The following SENP5 variants were observed in gnomAD, a reference collection of about 807,000 sequenced individuals.
SENP5 encodes sentrin-specific protease 5.
Under a neutral mutation model 74.2 loss-of-function variants are expected in SENP5, and 21 were observed. The observed-to-expected ratio is 0.28, with a 90% CI of 0.20 to 0.41. The LOEUF is 0.41. SENP5 is among the 10% of genes least tolerant of loss of function. SENP5 has a pLI of 1.00. For synonymous variants in SENP5, 311 were observed against 312.7 expected (o/e 0.99, Z 0.06); for missense variants, 717 against 889.1 (o/e 0.81, Z 2.46).
chr3:196,910,123 C>T (rs1444259110), intron 6 of SENP5, among the ~76,000 whole-genome samples: 1 of 151,918 alleles, frequency 6.6e-6, no homozygotes, highest in African/African-American at 2.4e-5. Flanking sequence ...AGCAGAGAGC[C>T]AAATCATGAA....
intron 7 of SENP5, among the ~76,000 whole-genome samples, chr3:196,925,094 T>C (rs1408710018): frequency 6.6e-6 from 1 of 151,928 alleles, no homozygotes; most frequent in Non-Finnish European, 1.5e-5. Flanking sequence ...ATTTTTTATA[T>C]CAATGATTAT....
intron 7 of SENP5, among the ~76,000 whole-genome samples, chr3:196,923,922 T>C (rs1033461450): frequency 6.6e-6 from 1 of 152,204 alleles, no homozygotes; most frequent in African/African-American, 2.4e-5. Context: ...AATATTAGTG[T>C]TCAGCTAATA....
chr3:196,897,927 T>C (rs1714512628), intron 2 of SENP5, among the ~76,000 whole-genome samples: 1 of 151,986 alleles, frequency 6.6e-6, no homozygotes, highest in Admixed American at 6.6e-5. Context: ...ATCTCAGTAC[T>C]TTGGGAAGAC....
intron 2 of SENP5, 149 bp from the exon 3 acceptor site, chr3:196,899,517 C>CTTT (rs1714606867): frequency 2.3e-6 from 1 of 437,540 alleles, no homozygotes; most frequent in Non-Finnish European, 4.1e-6. Context: ...AAAGACATAA[C>CTTT]TTTAAAAATA....
At chr3:196,880,333 C>T (rs190221583) in intron 1 of SENP5, among the ~76,000 whole-genome samples, 1 of 152,264 alleles carries the variant, frequency 6.6e-6, no homozygotes, top group Non-Finnish European at 1.5e-5. Context: ...CTTCTGTCTC[C>T]GCCTCCCACG....
chr3:196,882,801 G>C (rs1713783994), intron 1 of SENP5, among the ~76,000 whole-genome samples: 1 of 152,216 alleles, frequency 6.6e-6, no homozygotes, highest in Non-Finnish European at 1.5e-5. Context: ...ACCATGCCCA[G>C]CCCGTCTAGT....
chr3:196,914,950 G>C (rs1646197789), intron 6 of SENP5, among the ~76,000 whole-genome samples: 1 of 152,084 alleles, frequency 6.6e-6, no homozygotes, highest in Non-Finnish European at 1.5e-5. Context: ...AAATGATTGT[G>C]GGACTTTGCA....
At chr3:196,895,190 CTTTTTTT>C (rs35820067) in intron 2 of SENP5, among the ~76,000 whole-genome samples, 5 of 123,098 alleles carry the variant, frequency 4.1e-5, no homozygotes, top group African/African-American at 1.5e-4. Context: ...CTTTTAACTT[CTTTTTTT>C]TTTTTTTTTT....
At chr3:196,907,380 C>G (rs567678263) in intron 6 of SENP5, among the ~76,000 whole-genome samples, 1 of 149,666 alleles carries the variant, frequency 6.7e-6, no homozygotes, top group African/African-American at 2.5e-5. Flanking sequence ...AGACTGAACC[C>G]AGGAGGCGGA....
rs1348001578 is a variant in SENP5, at chr3:196,895,188, TTC to T, written c.1514-4476_1514-4475del. ...GTTTAACATGATGGCTACTTTTAACTTCTTTTTTTTTTTTTTTTTTTGAGACG... is the reference window on the plus strand; with the variant it reads ...GTTTAACATGATGGCTACTTTTAACTTTTTTTTTTTTTTTTTTTTGAGACG... On this transcript the variant is annotated intron_variant, in intron 2 of 9. Coordinates refer to ENST00000323460, the MANE Select transcript of SENP5 (RefSeq NM_152699.5). 3.9e-5 allele frequency among the ~76,000 whole-genome samples: 5 copies of T among 129,190 alleles called. No homozygotes were observed. The East Asian group carries it at 8.0e-4, about 21-fold the overall frequency. 84.8% of individuals were successfully genotyped at this position (129,190 alleles called of 152,430 possible). A position where few individuals can be genotyped will look rare whatever the true frequency, so the allele number is the denominator to read the frequency against.
At chr3:196,894,233 C>T (rs1365184189) in intron 2 of SENP5, among the ~76,000 whole-genome samples, 1 of 145,316 alleles carries the variant, frequency 6.9e-6, no homozygotes, top group Non-Finnish European at 1.5e-5. Flanking sequence ...AAGCAATTTT[C>T]CTGCCTCAGC....
At chr3:196,907,040 A>G (rs1162200485) in intron 6 of SENP5, among the ~76,000 whole-genome samples, 4 of 152,220 alleles carry the variant, frequency 2.6e-5, no homozygotes, top group African/African-American at 9.6e-5. Context: ...GATGACTTCC[A>G]AGTATGTGAC....
intron 5 of SENP5, among the ~76,000 whole-genome samples, chr3:196,902,406 A>G (rs932945898): frequency 6.6e-6 from 1 of 152,252 alleles, no homozygotes; most frequent in Non-Finnish European, 1.5e-5. Flanking sequence ...TGCTGGGATT[A>G]GAAGTGTGAG....
chr3:196,912,093 G>A (rs146473776), intron 6 of SENP5, among the ~76,000 whole-genome samples: 2,335 of 152,196 alleles, frequency 0.015, 18 homozygotes, highest in Non-Finnish European at 0.025. Flanking sequence ...ATACCCAAAG[G>A]AATATAAATC....
chr3:196,896,964 A>G (rs1018910481), intron 2 of SENP5, among the ~76,000 whole-genome samples: 26 of 152,220 alleles, frequency 1.7e-4, no homozygotes, highest in Non-Finnish European at 3.1e-4. Context: ...TAAGAAATCC[A>G]TGTTTATCAT....
chr3:196,890,859 A>G (rs1714171787), intron 2 of SENP5, among the ~76,000 whole-genome samples: 1 of 152,230 alleles, frequency 6.6e-6, no homozygotes, highest in Non-Finnish European at 1.5e-5. Flanking sequence ...TAGTGTAGTA[A>G]AATTATAGCA....
intron 2 of SENP5, among the ~76,000 whole-genome samples, chr3:196,890,648 CAAGTTCTTT>C (rs1560145823): frequency 6.6e-6 from 1 of 152,192 alleles, no homozygotes; most frequent in East Asian, 1.9e-4. Flanking sequence ...GATTACTTTG[CAAGTTCTTT>C]AAGTTCTTGC....
Position 196,929,699 on chromosome 3 carries a change from C to T in SENP5, c.2157+16C>T, listed in dbSNP as rs369629047. 1.3e-6 allele frequency: 2 copies of T among 1,578,464 alleles called. No individual in the cohort carries two copies. Among genetic ancestry groups the T allele is most frequent in the East Asian group, 4.5e-5 (2 of 44,588 alleles). On this transcript the variant is annotated intron_variant, in intron 9 of 9. Transcript: ENST00000323460. ...TGTGCTCCAGGTAAAGAAACACTTGCTTTTCGGAACTTACAATGTGTGAAT... is the reference window on the plus strand; with the variant it reads ...TGTGCTCCAGGTAAAGAAACACTTGTTTTTCGGAACTTACAATGTGTGAAT...
At chr3:196,868,226 C>T (rs9682993) in intron 1 of SENP5, among the ~76,000 whole-genome samples, 153 bp downstream of exon 1, 19 of 152,242 alleles carry the variant, frequency 1.2e-4, no homozygotes, top group African/African-American at 3.4e-4. Flanking sequence ...CCGTCCGTCT[C>T]GGCCACAGCC....
Sources: gnomAD v4.1 joint callset for allele counts (sites outside exome capture counted in the v4.1 genomes callset) on GRCh38, gnomAD v4.1.1 for gene constraint, MANE v1.5 for transcripts, NCBI Gene and HGNC (gene_info 2026-07-23, HGNC 2026-07-21) for gene names.